Variants in PIK3CA observed in about 807,000 individuals in gnomAD.
PIK3CA encodes the protein phosphatidylinositol-4,5-bisphosphate 3-kinase catalytic subunit alpha.
PIK3CA carries 27 observed loss-of-function variants against 138.2 expected under a neutral mutation model. The observed-to-expected ratio is 0.20, with a 90% CI of 0.14 to 0.27. The LOEUF (loss-of-function observed/expected upper bound fraction) is 0.27, where lower values mean the gene tolerates loss of function less well. Ranked by LOEUF, PIK3CA falls within the 10% of genes least tolerant of loss-of-function variation. PIK3CA has a pLI of 1.00. For missense variants in PIK3CA, 544 were observed against 1,277.4 expected (o/e 0.43, Z 8.75); for synonymous variants, 358 against 413.2 (o/e 0.87, Z 1.62).
intron 1 of PIK3CA, among the ~76,000 whole-genome samples, chr3:179,174,715 T>G (rs1723652606): frequency 6.6e-6 from 1 of 152,270 alleles, no homozygotes; most frequent in African/African-American, 2.4e-5. Context: ...CCTTATCTCA[T>G]CATCCTATAT....
At chr3:179,206,531 T>C (rs1358370991) in intron 6 of PIK3CA, among the ~76,000 whole-genome samples, 1 of 151,724 alleles carries the variant, frequency 6.6e-6, no homozygotes, top group Non-Finnish European at 1.5e-5. Flanking sequence ...ATCCAAGGAG[T>C]TCAACAAGCC....
At chr3:179,207,421 A>AC (rs1447950588) in intron 6 of PIK3CA, among the ~76,000 whole-genome samples, 153 of 152,346 alleles carry the variant, frequency 1.0e-3, no homozygotes, top group African/African-American at 3.3e-3. Flanking sequence ...GGGCTGAACA[A>AC]GTAGATTTGT....
At chr3:179,217,795 A>C (rs1035925325) in intron 9 of PIK3CA, among the ~76,000 whole-genome samples, 3 of 152,088 alleles carry the variant, frequency 2.0e-5, no homozygotes, top group Non-Finnish European at 2.9e-5. Flanking sequence ...TCAGGCAAAG[A>C]ACATGAAAGG....
rs1264814442 is a variant in PIK3CA, at chr3:179,219,689, A to G, written c.1865A>G (p.Tyr622Cys). 6.2e-7 allele frequency: 1 copy of G among 1,610,890 alleles called. No homozygotes were observed. Among genetic ancestry groups the G allele is most frequent in the Non-Finnish European group, 8.5e-7 (1 of 1,177,604 alleles). Residue 622 changes from tyrosine to cysteine, a missense_variant, in exon 12 of 21, where the codon TAT (tyrosine) becomes TGT (cysteine). Physicochemically the swap from Tyr to Cys is radical, Grantham distance 194 (BLOSUM62 -2). This residue lies in a region of PIK3CA where 22 missense variants were observed against 30.5 expected (regional missense o/e 0.72). Transcript: ENST00000263967. The surrounding 1 kb of genome is among the most constrained non-coding windows in gnomAD (Gnocchi z 4.2). ...TTTGCTGTTCGGTGCTTGGAAAAAT[A>G]TTTAACAGATGACAAACTTTCTCAG... ...RGFAVRCLEK[Y>C]LTDDKLSQYL...
chr3:179,231,630 CTTTTTTTTTTTTTTTTTTTT>C (rs144349648), intron 20 of PIK3CA, among the ~76,000 whole-genome samples: 1 of 50,384 alleles, frequency 2.0e-5, no homozygotes, highest in Middle Eastern at 0.022. Flanking sequence ...CCTTAGCCCA[CTTTTTTTTTTTTTTTTTTTT>C]TTTTTTTTGA....
In PIK3CA at chr3:179,148,391, C is replaced by G. The variant is rs905822762; in HGVS notation, c.-289C>G. The G allele has an allele frequency of 2.6e-5, 4 of 151,176 alleles. No individual in the cohort carries two copies. The East Asian group carries it at 7.8e-4, about 30-fold the overall frequency. 9.4% of individuals were successfully genotyped at this position (151,176 alleles called of 1,614,324 possible). A position where few individuals can be genotyped will look rare whatever the true frequency, so the allele number is the denominator to read the frequency against. ...GCCGCCGCTGCGGCCGCTGAGGTGTCGGGCTGCTGCTGCCGCGGCCGCTGG... is the reference window on the plus strand; with the variant it reads ...GCCGCCGCTGCGGCCGCTGAGGTGTGGGGCTGCTGCTGCCGCGGCCGCTGG... On this transcript the variant is annotated 5_prime_UTR_variant, in exon 1 of 21. Coordinates refer to ENST00000263967, the MANE Select transcript of PIK3CA (RefSeq NM_006218.4).
rs150270689 is a variant in PIK3CA, at chr3:179,194,439, G to A, written c.-76-4311G>A. Among the ~76,000 whole-genome samples, 102 of 152,140 alleles carry A rather than the reference G, an allele frequency of 6.7e-4. No individual in the cohort carries two copies. In the Middle Eastern group the frequency reaches 0.01, roughly 15 times the overall value. On this transcript the variant is annotated intron_variant, in intron 1 of 20. Coordinates refer to ENST00000263967, the MANE Select transcript of PIK3CA (RefSeq NM_006218.4). ...GGGGTCTTGAGCCCAGGCTGGTCTC[G>A]AACTCCTCAGCTCAAGGGATCCTGC...
rs1432290091 is a variant in PIK3CA at position 179,199,090 on chromosome 3, C to T, written c.265C>T (p.Leu89Phe). ...REEFFDETRRLCDLRLFQPFL... is the reference protein window; with the variant it reads ...REEFFDETRRFCDLRLFQPFL... Reference sequence around the variant, plus strand: ...AGAATTTTTTGATGAAACAAGACGACTTTGTGACCTTCGGCTTTTTCAACC... The same window carrying T: ...AGAATTTTTTGATGAAACAAGACGATTTTGTGACCTTCGGCTTTTTCAACC... The change falls in exon 2 of 21, where the codon CTT becomes TTT. Residue 89 changes from leucine (L) to phenylalanine (F), a missense_variant. Coordinates refer to ENST00000263967, the MANE Select transcript of PIK3CA (RefSeq NM_006218.4). 1 of 1,612,658 alleles carries T rather than the reference C, an allele frequency of 6.2e-7. No homozygotes were observed. The highest frequency in any genetic ancestry group is 8.5e-7 in the Non-Finnish European group (1 of 1,179,676).
At chr3:179,200,048 G>C (rs767610888) in intron 3 of PIK3CA, 149 bp downstream of exon 3, 141 of 485,514 alleles carry the variant, frequency 2.9e-4, no homozygotes, top group Middle Eastern at 5.4e-4. Context: ...ATATAGTTGA[G>C]TGCTAAATAG....
Position 179,238,505 on chromosome 3 carries a change from A to C in PIK3CA, c.*4141A>C, listed in dbSNP as rs989669912. On this transcript the variant is annotated 3_prime_UTR_variant, in exon 21 of 21. Coordinates refer to ENST00000263967, the MANE Select transcript of PIK3CA (RefSeq NM_006218.4). ...CTCAGAAGGAAAATGGGAAAAAAAA[A>C]TAGATGAGTCACAATTCAATACTTC... 98 of 219,402 alleles carry C rather than the reference A, an allele frequency of 4.5e-4. No homozygotes were observed. The highest frequency in any genetic ancestry group is 1.4e-3 in the Middle Eastern group (1 of 732). The allele number at this position is 219,402 out of a possible 1,614,324, so 13.6% of individuals were successfully genotyped here.
At chr3:179,151,488 G>A (rs1185114938) in intron 1 of PIK3CA, among the ~76,000 whole-genome samples, 1 of 152,140 alleles carries the variant, frequency 6.6e-6, no homozygotes, top group Admixed American at 6.5e-5. Context: ...CTACACATTA[G>A]AATAATCTAG....
At chr3:179,181,831 G>A (rs112027459) in intron 1 of PIK3CA, among the ~76,000 whole-genome samples, 346 of 152,104 alleles carry the variant, frequency 2.3e-3, no homozygotes, top group Non-Finnish European at 3.5e-3. Context: ...TTAAAGTCTT[G>A]TAATTTAAGA....
chr3:179,150,729 G>A (rs1722994650), intron 1 of PIK3CA, among the ~76,000 whole-genome samples: 2 of 152,090 alleles, frequency 1.3e-5, no homozygotes, highest in African/African-American at 4.8e-5. Flanking sequence ...TCCCAAATCA[G>A]TATCCCCTTA....
At chr3:179,233,379 C>T (rs1360595249) in intron 20 of PIK3CA, 5 of 397,354 alleles carry the variant, frequency 1.3e-5, no homozygotes, top group Non-Finnish European at 2.2e-5. Flanking sequence ...GAGGTAAGTC[C>T]CTTCTATGCC....
chr3:179,163,536 C>G (rs965373603), intron 1 of PIK3CA, among the ~76,000 whole-genome samples: 1 of 152,132 alleles, frequency 6.6e-6, no homozygotes, highest in African/African-American at 2.4e-5. Flanking sequence ...CCTCTCCCCC[C>G]AACCCCCATA....
intron 3 of PIK3CA, 88 bp downstream of exon 3, chr3:179,199,987 T>C: frequency 1.3e-6 from 1 of 749,606 alleles, no homozygotes; most frequent in South Asian, 2.0e-5. Context: ...TTTTTTTTTT[T>C]CCAGCTAGAT....
chr3:179,170,766 A>G (rs1292354598), intron 1 of PIK3CA, among the ~76,000 whole-genome samples: 6 of 152,258 alleles, frequency 3.9e-5, no homozygotes, highest in South Asian at 2.1e-4. Context: ...TTCTAAATGT[A>G]TATGCACTTA....
intron 1 of PIK3CA, among the ~76,000 whole-genome samples, chr3:179,172,493 A>AAG (rs1385789260): frequency 6.7e-6 from 1 of 149,616 alleles, no homozygotes; most frequent in African/African-American, 2.4e-5. Flanking sequence ...ACCAAAAAGA[A>AAG]AAAAAAAAAA....
At chr3:179,221,697 T>TC (rs1724971433) in intron 14 of PIK3CA, among the ~76,000 whole-genome samples, 1 of 43,168 alleles carries the variant, frequency 2.3e-5, no homozygotes, top group Non-Finnish European at 4.0e-5. Flanking sequence ...CAATGTAAAC[T>TC]TTTTTTTTTT....
Sources: allele counts gnomAD v4.1 joint callset (sites outside exome capture counted in the v4.1 genomes callset), GRCh38; gene constraint gnomAD v4.1.1; regional missense constraint gnomAD v4.1.1; non-coding constraint Gnocchi (gnomAD v3.1); transcripts MANE v1.5; gene names NCBI Gene and HGNC (gene_info 2026-07-23, HGNC 2026-07-21).